OSBPL11: variants seen among roughly 807,000 people sequenced by gnomAD.
OSBPL11 encodes the protein oxysterol-binding protein-related protein 11.
A neutral mutation model predicts 84.4 loss-of-function variants in OSBPL11; 33 were observed. The observed-to-expected ratio is 0.39, with a 90% CI of 0.30 to 0.52. The LOEUF (loss-of-function observed/expected upper bound fraction) is 0.52, where lower values mean the gene tolerates loss of function less well. OSBPL11 is among the 20% of genes least tolerant of loss of function. OSBPL11 has a pLI of 0.72. For synonymous variants in OSBPL11, 276 were observed against 310.2 expected (o/e 0.89, Z 1.16); for missense variants, 736 against 901.1 (o/e 0.82, Z 2.35).
chr3:125,589,604 A>T (rs1936567713), intron 1 of OSBPL11, among the ~76,000 whole-genome samples: 1 of 151,672 alleles, frequency 6.6e-6, no homozygotes, highest in African/African-American at 2.4e-5. Context: ...ATTTTCCTTT[A>T]ACCCCTGCAG....
rs1315992266 is a variant in OSBPL11, at chr3:125,529,291, T to C, written c.*1224A>G. On this transcript the variant is annotated 3_prime_UTR_variant, in exon 13 of 13. Coordinates refer to ENST00000296220, the MANE Select transcript of OSBPL11 (RefSeq NM_022776.5). ...GCTCAATAAATACATGAATGAATGA[T>C]GAAAGCCATAATTAGCTCTATTCTT... 1 of 152,342 alleles carries C rather than the reference T, an allele frequency of 6.6e-6. No individual in the cohort carries two copies. Among genetic ancestry groups the C allele is most frequent in the Non-Finnish European group, 1.5e-5 (1 of 68,030 alleles). 9.4% of individuals were successfully genotyped at this position (152,342 alleles called of 1,614,324 possible).
intron 5 of OSBPL11, among the ~76,000 whole-genome samples, chr3:125,575,358 T>A (rs995883052): frequency 3.9e-5 from 6 of 152,044 alleles, no homozygotes; most frequent in Admixed American, 2.0e-4. Flanking sequence ...TTTCTATATA[T>A]ACATATATCA....
At chr3:125,578,827 C>A in intron 4 of OSBPL11, 133 bp downstream of exon 4, 1 of 442,450 alleles carries the variant, frequency 2.3e-6, no homozygotes. Flanking sequence ...CTAAAAACCA[C>A]AGGATTATAC....
intron 1 of OSBPL11, among the ~76,000 whole-genome samples, chr3:125,585,074 T>G (rs963542259): frequency 1.3e-5 from 2 of 152,082 alleles, no homozygotes; most frequent in African/African-American, 4.8e-5. Context: ...GCCACAAATT[T>G]TTTAAAGTGT....
chr3:125,586,849 T>C lies in OSBPL11; in HGVS notation c.165-3871A>G, dbSNP rs150810342. The stretch of plus-strand genomic sequence containing the variant: ...TTTCTCAACCTTTCTTTATCAGACT[T>C]AAGATAGATAAAAGTTTTTAAAATT... On this transcript the variant is annotated intron_variant, in intron 1 of 12. Coordinates refer to ENST00000296220, the MANE Select transcript of OSBPL11 (RefSeq NM_022776.5). Among the ~76,000 whole-genome samples the C allele has an allele frequency of 2.2e-3, 339 of 152,300 alleles. 1 individual carries two copies. The highest frequency in any genetic ancestry group is 7.9e-3 in the African/African-American group (330 of 41,576).
At chr3:125,587,276 C>T (rs147450908) in intron 1 of OSBPL11, among the ~76,000 whole-genome samples, 2,606 of 152,210 alleles carry the variant, frequency 0.017, 60 homozygotes, top group Admixed American at 0.072. Flanking sequence ...CCAGCTGGAA[C>T]AACTGGGTGG....
Position 125,568,516 on chromosome 3 carries a change from T to A in OSBPL11, c.667-921A>T, listed in dbSNP as rs1482130263. Among the ~76,000 whole-genome samples, 3 of 152,256 alleles carry A rather than the reference T, an allele frequency of 2.0e-5. No homozygotes were observed. The East Asian group carries it at 5.8e-4, about 29-fold the overall frequency. On this transcript the variant is annotated intron_variant, in intron 5 of 12. Transcript: ENST00000296220. ...CTTAACAGGAAAATCAAATACTTCA[T>A]TCCAAAGTTAAATTAAGTTCCAGTC... is the stretch of plus-strand genomic sequence containing the variant.
Position 125,555,738 on chromosome 3 carries a change from G to A in OSBPL11, c.1156-3059C>T, listed in dbSNP as rs142721660. On this transcript the variant is annotated intron_variant, in intron 8 of 12. Coordinates refer to ENST00000296220, the MANE Select transcript of OSBPL11 (RefSeq NM_022776.5). ...CTCGCTCTGTCACCCAGGCTGGAGT[G>A]CAGTGGCGTCATCTCAGCTCACTGC... 2.5e-4 allele frequency among the ~76,000 whole-genome samples: 38 copies of A among 152,102 alleles called. No homozygotes were observed. The East Asian group carries it at 7.3e-3, about 29-fold the overall frequency.
intron 8 of OSBPL11, among the ~76,000 whole-genome samples, chr3:125,553,842 TA>T (rs1559839558): frequency 6.6e-6 from 1 of 152,234 alleles, no homozygotes; most frequent in Non-Finnish European, 1.5e-5. Context: ...ACATGCATCT[TA>T]ATTTCACTTT....
chr3:125,530,561 T>C lies in OSBPL11; in HGVS notation c.2198A>G (p.His733Arg). 2 of 1,613,884 alleles carry C rather than the reference T, an allele frequency of 1.2e-6. No individual in the cohort carries two copies. The highest frequency in any genetic ancestry group is 1.7e-6 in the Non-Finnish European group (2 of 1,179,786). Residue 733 changes from histidine to arginine, a missense_variant, in exon 13 of 13, where the codon CAT becomes CGT. This residue lies in a region of OSBPL11 where 579 missense variants were observed against 717.6 expected (regional missense o/e 0.81). Coordinates refer to ENST00000296220, the MANE Select transcript of OSBPL11 (RefSeq NM_022776.5). ...FIKEGDGWVY[H>R]KPLWKIIPTT... ...TGGAATTATTTTCCAAAGTGGTTTA[T>C]GATAAACCCAGCCATCTCCCTGAAA...
intron 6 of OSBPL11, among the ~76,000 whole-genome samples, chr3:125,565,044 A>G (rs992055435): frequency 2.0e-5 from 3 of 152,178 alleles, no homozygotes; most frequent in African/African-American, 7.2e-5. Context: ...TAAAAAATTA[A>G]GTAAGCCTGG....
chr3:125,562,417 C>T (rs1232311968), intron 7 of OSBPL11, among the ~76,000 whole-genome samples: 1 of 152,100 alleles, frequency 6.6e-6, no homozygotes, highest in Non-Finnish European at 1.5e-5. Context: ...GAGAAATAAG[C>T]ATTTTATACA....
intron 5 of OSBPL11, among the ~76,000 whole-genome samples, chr3:125,573,255 T>C (rs1559844988): frequency 1.3e-5 from 2 of 152,078 alleles, no homozygotes. Context: ...GGTGAACCTG[T>C]GTTTTGTAGC....
At chr3:125,567,688 G>A (rs1936180913) in intron 5 of OSBPL11, 93 bp from the exon 6 acceptor site, 3 of 1,086,996 alleles carry the variant, frequency 2.8e-6, no homozygotes, top group Middle Eastern at 2.9e-4. Context: ...TTCAGCTTCT[G>A]AGCCATTTTT....
intron 5 of OSBPL11, among the ~76,000 whole-genome samples, chr3:125,575,838 A>AT (rs1368146708): frequency 1.3e-5 from 2 of 151,790 alleles, no homozygotes; most frequent in East Asian, 3.9e-4. Flanking sequence ...TGCCTGGCCT[A>AT]TATCAGTTTG....
intron 5 of OSBPL11, among the ~76,000 whole-genome samples, chr3:125,574,397 T>C (rs1035368980): frequency 6.6e-6 from 1 of 151,830 alleles, no homozygotes; most frequent in Admixed American, 6.6e-5. Flanking sequence ...GAAGTACATA[T>C]AAAGCACTTC....
chr3:125,552,679 C>T lies in OSBPL11; in HGVS notation c.1156G>A (p.Val386Met), dbSNP rs1935931161. ...QLKLGMDLTRVVLPTFILEKR... is the reference protein window; with the variant it reads ...QLKLGMDLTRMVLPTFILEKR... ...TCTAGGATAAATGTAGGAAGCACCA[C>T]CTAAAACAACAATCAATGAAAGAGG... The change falls in exon 9 of 13, where the codon GTG becomes ATG. Residue 386 changes from valine to methionine, a missense_variant and splice_region_variant. Physicochemically the swap from Val to Met is conservative, Grantham distance 21. Coordinates refer to ENST00000296220, the MANE Select transcript of OSBPL11 (RefSeq NM_022776.5). The T allele has an allele frequency of 6.2e-7, 1 of 1,607,324 alleles. No individual in the cohort carries two copies. Among genetic ancestry groups the T allele is most frequent in the Non-Finnish European group, 8.5e-7 (1 of 1,176,642 alleles).
Position 125,563,802 on chromosome 3 carries a change from T to G in OSBPL11, c.910A>C (p.Asn304His). 6.2e-7 allele frequency: 1 copy of G among 1,614,212 alleles called. No homozygotes were observed. The highest frequency in any genetic ancestry group is 1.1e-5 in the South Asian group (1 of 91,090). ...TGGTCAGCTCCATTTTTATAGTGGTTTGATAAAGATATCTTTGGTTCTAAC... is the reference window on the plus strand; with the variant it reads ...TGGTCAGCTCCATTTTTATAGTGGTGTGATAAAGATATCTTTGGTTCTAAC... ...EWLEPKISLS[N>H]HYKNGADQPF... The change falls in exon 7 of 13, where the codon AAC becomes CAC. Residue 304 changes from asparagine (N) to histidine (H), a missense_variant. Asn to His is a moderately conservative substitution (Grantham distance 68). Transcript: ENST00000296220.
At chr3:125,592,849 G>A (rs1319575577) in intron 1 of OSBPL11, among the ~76,000 whole-genome samples, 1 of 151,694 alleles carries the variant, frequency 6.6e-6, no homozygotes, top group African/African-American at 2.4e-5. Flanking sequence ...TGATCATAAA[G>A]AAAAATGAAC....
Sources: allele counts gnomAD v4.1 joint callset (sites outside exome capture counted in the v4.1 genomes callset), GRCh38; gene constraint gnomAD v4.1.1; regional missense constraint gnomAD v4.1.1; transcripts MANE v1.5; gene names NCBI Gene and HGNC (gene_info 2026-07-23, HGNC 2026-07-21).